NAGA: variants seen among roughly 807,000 people sequenced by gnomAD.
NAGA encodes alpha-N-acetylgalactosaminidase.
A neutral mutation model predicts 45.6 loss-of-function variants in NAGA; 42 were observed. The ratio of observed to expected loss-of-function variants is 0.92; its 90% CI spans 0.72 to 1.19. The LOEUF (loss-of-function observed/expected upper bound fraction) is 1.19. NAGA is among the 50% of genes most tolerant of loss of function. The pLI, the probability that NAGA is intolerant of heterozygous loss-of-function variation, is 0.00. For synonymous variants in NAGA, 176 were observed against 203.1 expected (o/e 0.87, Z 1.13); for missense variants, 493 against 544.8 (o/e 0.90, Z 0.95).
At chr22:42,063,383 G>A (rs1169500456) in intron 6 of NAGA, among the ~76,000 whole-genome samples, 2 of 152,014 alleles carry the variant, frequency 1.3e-5, no homozygotes, top group Non-Finnish European at 2.9e-5. Flanking sequence ...ACCTTGCCTA[G>A]TTCACAAGAC....
intron 2 of NAGA, among the ~76,000 whole-genome samples, chr22:42,068,175 T>C (rs569831448): frequency 2.0e-5 from 3 of 152,288 alleles, no homozygotes; most frequent in African/African-American, 7.2e-5. Flanking sequence ...ACAGGGGGCC[T>C]GGCCTGACCT....
At position 42,067,860 on chromosome 22, in the gene NAGA, T is replaced by C. The variant is rs1602497503; in HGVS notation, c.229A>G (p.Ile77Val). ...CGACCACCGATCCAGCAGTCATCAA[T>C]GTTGAGGTATGTGTAGCCCATGTCC... ...WRDMGYTYLN[I>V]DDCWIGGRDA... is the part of the protein sequence containing the mutation. Residue 77 changes from isoleucine to valine, a missense_variant, in exon 3 of 9, where the codon ATT (isoleucine) becomes GTT (valine). Coordinates refer to ENST00000396398, the MANE Select transcript of NAGA (RefSeq NM_000262.3). 4 of 1,613,368 alleles carry C rather than the reference T, an allele frequency of 2.5e-6. No individual in the cohort carries two copies. Among genetic ancestry groups the C allele is most frequent in the African/African-American group, 1.3e-5 (1 of 74,884 alleles).
chr22:42,065,719 T>TCC lies in NAGA; in HGVS notation c.759+17_759+18dup. 1.2e-6 allele frequency: 2 copies of TCC among 1,612,766 alleles called. No individual in the cohort carries two copies. The highest frequency in any genetic ancestry group is 2.2e-5 in the South Asian group (2 of 90,962). On this transcript the variant is annotated intron_variant, in intron 6 of 8. Coordinates refer to ENST00000396398, the MANE Select transcript of NAGA (RefSeq NM_000262.3). ...GTCACAGATGGTGGGCCTAGGGACA[T>TCC]CCCCCTCCATCCTGGTACCATGTCA... is the stretch of plus-strand genomic sequence containing the variant.
rs545476351 is a variant in NAGA, at chr22:42,065,824, C to T, written c.673G>A (p.Val225Met). Residue 225 changes from valine (V) to methionine (M), a missense_variant, in exon 6 of 9, where the codon GTG becomes ATG. By Grantham distance (21) the Val-to-Met change is conservative. Coordinates refer to ENST00000396398, the MANE Select transcript of NAGA (RefSeq NM_000262.3). The stretch of plus-strand genomic sequence containing the variant: ...ACGAACCAATTCAGGATGGAGAGCA[C>T]GCTCCACCAGGAGTCCTGGATGTCA... ...YDDIQDSWWS[V>M]LSILNWFVEH... The T allele has an allele frequency of 1.1e-5, 17 of 1,614,122 alleles. No individual in the cohort carries two copies. The highest frequency in any genetic ancestry group is 6.7e-5 in the East Asian group (3 of 44,870).
intron 7 of NAGA, among the ~76,000 whole-genome samples, chr22:42,062,247 G>A (rs554259846): frequency 1.3e-5 from 2 of 152,178 alleles, no homozygotes; most frequent in African/African-American, 4.8e-5. Flanking sequence ...GCTGATACGG[G>A]TGGATCACCT....
chr22:42,069,959 A>C (rs1051048441), intron 1 of NAGA, among the ~76,000 whole-genome samples: 2 of 152,246 alleles, frequency 1.3e-5, no homozygotes, highest in Non-Finnish European at 2.9e-5. Context: ...AGCTCACCTA[A>C]GTGAGACCTT....
chr22:42,058,713 C>T lies in NAGA; in HGVS notation c.*1566G>A, dbSNP rs1041140502. On this transcript the variant is annotated 3_prime_UTR_variant, in exon 9 of 9. Coordinates refer to ENST00000396398, the MANE Select transcript of NAGA (RefSeq NM_000262.3). ...TCAAGTCCAGGCTCAACTCTGGCCC[C>T]CAACTCCCAAGTCCATGGTCTCAAC... 2 of 152,242 alleles carry T rather than the reference C, an allele frequency of 1.3e-5. No homozygotes were observed. Among genetic ancestry groups the T allele is most frequent in the Non-Finnish European group, 2.9e-5 (2 of 68,078 alleles). The allele number at this position is 152,242 out of a possible 1,614,324, so 9.4% of individuals were successfully genotyped here. A position where few individuals can be genotyped will look rare whatever the true frequency, so the allele number is the denominator to read the frequency against.
intron 7 of NAGA, among the ~76,000 whole-genome samples, chr22:42,061,567 GT>G: frequency 6.6e-6 from 1 of 152,176 alleles, no homozygotes; most frequent in African/African-American, 2.4e-5. Flanking sequence ...GCAGGGAATT[GT>G]TACTTCCTCT....
Position 42,059,982 on chromosome 22 carries a change from C to T in NAGA, c.*297G>A. The T allele has an allele frequency of 2.3e-6, 1 of 436,348 alleles. No homozygotes were observed. Among genetic ancestry groups the T allele is most frequent in the Non-Finnish European group, 4.3e-6 (1 of 232,652 alleles). The allele number at this position is 436,348 out of a possible 1,614,324, so 27.0% of individuals were successfully genotyped here. The stretch of plus-strand genomic sequence containing the variant: ...CAACAGCAAGGTCAGAGGCTAGAGT[C>T]CTGATGGGCATGGAGCTCAGGAGGC... On this transcript the variant is annotated 3_prime_UTR_variant, in exon 9 of 9. Transcript: ENST00000396398.
chr22:42,065,577 G>C (rs977282471), intron 6 of NAGA, among the ~76,000 whole-genome samples, 161 bp downstream of exon 6: 1 of 152,204 alleles, frequency 6.6e-6, no homozygotes, highest in African/African-American at 2.4e-5. Context: ...CTGGAAACCA[G>C]CTTCTAAGTC....
chr22:42,064,729 C>G (rs1926625726), intron 6 of NAGA, among the ~76,000 whole-genome samples: 1 of 152,128 alleles, frequency 6.6e-6, no homozygotes, highest in African/African-American at 2.4e-5. Context: ...ACAGGTTGTT[C>G]AGATGATCAA....
intron 1 of NAGA, 69 bp from the exon 2 acceptor site, chr22:42,068,643 C>A: frequency 6.3e-7 from 1 of 1,595,836 alleles, no homozygotes; most frequent in East Asian, 2.3e-5. Context: ...CATCCCACCC[C>A]ATCTGTATGT....
intron 6 of NAGA, 98 bp downstream of exon 6, chr22:42,065,640 C>G (rs879587595): frequency 7.2e-6 from 11 of 1,524,810 alleles, no homozygotes; most frequent in Non-Finnish European, 8.1e-6. Flanking sequence ...GACCTAGAAC[C>G]CGGCAGTGAG....
In NAGA at chr22:42,067,752, G is replaced by T. The variant is rs747102552; in HGVS notation, c.324+13C>A. The T allele has an allele frequency of 3.1e-6, 5 of 1,610,950 alleles. No homozygotes were observed. In the African/African-American group the frequency reaches 5.3e-5, roughly 17 times the overall value. On this transcript the variant is annotated intron_variant, in intron 3 of 8. Transcript: ENST00000396398. ...AGCCCTGAGGCCAAGGGCAGGGCTG[G>T]GGTGCGGCTCACGTAGTCAGCCAGG...
rs376526751 is a variant in NAGA, at chr22:42,061,047, C to T, written c.978G>A (p.Val326=). The T allele has an allele frequency of 6.2e-7, 1 of 1,614,056 alleles. No homozygotes were observed. The highest frequency in any genetic ancestry group is 1.3e-5 in the African/African-American group (1 of 74,914). The change falls in exon 8 of 9, where the codon GTG becomes GTA. Residue 326 remains valine, a synonymous_variant. Coordinates refer to ENST00000396398, the MANE Select transcript of NAGA (RefSeq NM_000262.3). ...CCTTGTTGGACAGAGGCCGCATGTACACTTCGATGAGAGATTTTTCCTGGG... is the reference window on the plus strand; with the variant it reads ...CCTTGTTGGACAGAGGCCGCATGTATACTTCGATGAGAGATTTTTCCTGGG... ...RIHKEKSLIE[V]YMRPLSNKAS...
intron 3 of NAGA, 109 bp downstream of exon 3, chr22:42,067,656 T>TC: frequency 1.0e-6 from 1 of 963,600 alleles, no homozygotes; most frequent in Non-Finnish European, 1.6e-6. Flanking sequence ...TTTGTCTGTT[T>TC]CCCCCACTAG....
Position 42,065,418 on chromosome 22 carries a change from A to C in NAGA, c.759+320T>G, listed in dbSNP as rs1420680903. On this transcript the variant is annotated intron_variant, in intron 6 of 8. Transcript: ENST00000396398. Reference sequence around the variant, plus strand: ...AGGCACTAGGAATAGCAAGGTCGTGATCTTCAACCTGCAGAGCAATAACAT... The same window carrying C: ...AGGCACTAGGAATAGCAAGGTCGTGCTCTTCAACCTGCAGAGCAATAACAT... Among the ~76,000 whole-genome samples the C allele has an allele frequency of 3.9e-5, 6 of 152,202 alleles. 1 individual carries two copies. The South Asian group carries it at 1.2e-3, about 32-fold the overall frequency.
In NAGA at chr22:42,067,240, G is replaced by A. The variant is rs199894141; in HGVS notation, c.375C>T (p.Phe125=). 96 of 1,614,196 alleles carry A rather than the reference G, an allele frequency of 5.9e-5. No homozygotes were observed. The East Asian group carries it at 2.1e-3, about 35-fold the overall frequency. The part of the protein sequence containing the change: ...KLGIYADMGN[F]TCMGYPGTTL... ...TGGTGCCTGGGTAACCCATGCAGGT[G>A]AAGTTGCCCATGTCCGCGTAGATAC... The change falls in exon 4 of 9, where the codon TTC becomes TTT. Residue 125 remains phenylalanine, a synonymous_variant. Transcript: ENST00000396398.
intron 5 of NAGA, 55 bp from the exon 6 acceptor site, chr22:42,065,954 G>A: frequency 1.9e-6 from 3 of 1,597,112 alleles, no homozygotes; most frequent in Non-Finnish European, 2.6e-6. Context: ...CTGCAGCCCA[G>A]GGACCCACAC....
Sources: gnomAD v4.1 joint callset for allele counts (sites outside exome capture counted in the v4.1 genomes callset) on GRCh38, gnomAD v4.1.1 for gene constraint, MANE v1.5 for transcripts, NCBI Gene and HGNC (gene_info 2026-07-23, HGNC 2026-07-21) for gene names.